The following YWHAG variants were observed in gnomAD, a reference collection of about 807,000 sequenced individuals.
YWHAG encodes the protein 14-3-3 protein gamma.
Under a neutral mutation model 23.3 loss-of-function variants are expected in YWHAG, and 1 was observed. The ratio of observed to expected loss-of-function variants is 0.04; its 90% CI spans 0.02 to 0.20. The LOEUF (loss-of-function observed/expected upper bound fraction) is 0.20. YWHAG is among the 10% of genes least tolerant of loss of function. The pLI is 1.00. For missense variants in YWHAG, 151 were observed against 338.6 expected, an observed-to-expected ratio of 0.45 and a Z score of 4.35; for synonymous variants, 160 against 144.0, an observed-to-expected ratio of 1.11 and a Z score of -0.80.
At position 76,358,804 on chromosome 7, in the gene YWHAG, A is replaced by T; in HGVS notation, c.5T>A (p.Val2Glu). ...TTTCTGCACCAGTTGCTCGCGGTCC[A>T]CCATCTTCGCGGGGCTGGGTCTGGC... M[V>E]DREQLVQKAR... is the part of the protein sequence containing the mutation. The change falls in exon 1 of 2, where the codon GTG becomes GAG. Residue 2 changes from valine (V) to glutamate (E), a missense_variant. Physicochemically the swap from Val to Glu is moderately radical, Grantham distance 121 (BLOSUM62 -2). Transcript: ENST00000307630. The T allele has an allele frequency of 6.3e-7, 1 of 1,593,220 alleles. No homozygotes were observed. Among genetic ancestry groups the T allele is most frequent in the Non-Finnish European group, 8.5e-7 (1 of 1,171,290 alleles).
At chr7:76,346,102 C>G (rs1326981640) in intron 1 of YWHAG, among the ~76,000 whole-genome samples, 1 of 152,140 alleles carries the variant, frequency 6.6e-6, no homozygotes, top group Non-Finnish European at 1.5e-5. Context: ...ACCCCACAGC[C>G]CTACACAGTC....
rs1394668720 is a variant in YWHAG at position 76,329,989 on chromosome 7, T to A, written c.332A>T (p.Asn111Ile). Residue 111 changes from asparagine to isoleucine, a missense_variant, in exon 2 of 2, where the codon AAT (asparagine) becomes ATT (isoleucine). Transcript: ENST00000307630. The surrounding 1 kb of genome is among the most constrained non-coding windows in gnomAD (Gnocchi z 6.1). Reference protein sequence around the residue: ...LSLLDNYLIKNCSETQYESKV... With the variant: ...LSLLDNYLIKICSETQYESKV... ...GCTCTCGTACTGGGTCTCGCTGCAA[T>A]TCTTGATCAGGTAGTTATCCAGCAG... is the stretch of plus-strand genomic sequence containing the variant. 6.2e-7 allele frequency: 1 copy of A among 1,614,182 alleles called. No individual in the cohort carries two copies. Among genetic ancestry groups the A allele is most frequent in the South Asian group, 1.1e-5 (1 of 91,084 alleles).
rs1358706214 is a variant in YWHAG, at chr7:76,328,980, A to G, written c.*597T>C. 1 of 152,792 alleles carries G rather than the reference A, an allele frequency of 6.5e-6. No individual in the cohort carries two copies. Among genetic ancestry groups the G allele is most frequent in the African/African-American group, 2.4e-5 (1 of 41,462 alleles). The allele number at this position is 152,792 out of a possible 1,614,324, so 9.5% of individuals were successfully genotyped here. On this transcript the variant is annotated 3_prime_UTR_variant, in exon 2 of 2. Coordinates refer to ENST00000307630, the MANE Select transcript of YWHAG (RefSeq NM_012479.4). ...GATGTTACATATGGCTGTAATGTAG[A>G]AATACTGTAAACTGCAATTTAGTGT...
At chr7:76,349,668 T>C (rs770422003) in intron 1 of YWHAG, among the ~76,000 whole-genome samples, 24 of 152,240 alleles carry the variant, frequency 1.6e-4, no homozygotes, top group Admixed American at 7.2e-4. Context: ...AGTTGTGCCA[T>C]ATTGTTTGCC....
At chr7:76,342,791 C>T (rs1005472016) in intron 1 of YWHAG, among the ~76,000 whole-genome samples, 1 of 152,070 alleles carries the variant, frequency 6.6e-6, no homozygotes, top group Non-Finnish European at 1.5e-5. Context: ...ATAGATCTGA[C>T]TTGGAAGTGG....
chr7:76,340,696 G>A (rs1478541402), intron 1 of YWHAG, among the ~76,000 whole-genome samples: 1 of 152,098 alleles, frequency 6.6e-6, no homozygotes, highest in East Asian at 1.9e-4. Flanking sequence ...CAAGGAGGGA[G>A]GCTTTTTATA....
At chr7:76,333,103 G>A (rs1373828149) in intron 1 of YWHAG, among the ~76,000 whole-genome samples, 1 of 152,120 alleles carries the variant, frequency 6.6e-6, no homozygotes, top group Non-Finnish European at 1.5e-5. Context: ...CTGAGTGGCT[G>A]GGACTAAGGC....
At chr7:76,331,144 G>T (rs975385661) in intron 1 of YWHAG, among the ~76,000 whole-genome samples, 1 of 152,044 alleles carries the variant, frequency 6.6e-6, no homozygotes, top group Admixed American at 6.6e-5. Context: ...TTGACACAGG[G>T]TCTCATTCTA....
chr7:76,337,147 G>A (rs1803628171), intron 1 of YWHAG, among the ~76,000 whole-genome samples: 1 of 152,124 alleles, frequency 6.6e-6, no homozygotes, highest in Admixed American at 6.5e-5. Context: ...AACATAATAG[G>A]CTTCAGTCTG....
intron 1 of YWHAG, among the ~76,000 whole-genome samples, chr7:76,346,930 G>A (rs1803787497): frequency 6.6e-6 from 1 of 152,078 alleles, no homozygotes; most frequent in Admixed American, 6.6e-5. Flanking sequence ...AGCATTCCCT[G>A]AATGCCACCA....
At chr7:76,353,812 TA>T (rs1563668576) in intron 1 of YWHAG, among the ~76,000 whole-genome samples, 1 of 152,008 alleles carries the variant, frequency 6.6e-6, no homozygotes, top group East Asian at 1.9e-4. Flanking sequence ...CTCACACCTG[TA>T]ATCCCAGTAC....
chr7:76,352,500 A>T (rs1803890165), intron 1 of YWHAG, among the ~76,000 whole-genome samples: 1 of 152,056 alleles, frequency 6.6e-6, no homozygotes, highest in South Asian at 2.1e-4. Flanking sequence ...CCTGGGTCCC[A>T]CTCACCAAAA....
chr7:76,348,491 C>G (rs2115639312), intron 1 of YWHAG, among the ~76,000 whole-genome samples: 1 of 151,094 alleles, frequency 6.6e-6, no homozygotes, highest in Non-Finnish European at 1.5e-5. Context: ...CAAGCTGCGC[C>G]ACCCCGGGTT....
chr7:76,355,954 TA>T (rs1283065106), intron 1 of YWHAG, among the ~76,000 whole-genome samples: 1 of 152,214 alleles, frequency 6.6e-6, no homozygotes, highest in Non-Finnish European at 1.5e-5. Context: ...ACATCTGTCT[TA>T]AAAGACCTAA....
At chr7:76,351,372 T>C (rs2115647836) in intron 1 of YWHAG, among the ~76,000 whole-genome samples, 1 of 129,766 alleles carries the variant, frequency 7.7e-6, no homozygotes, top group East Asian at 2.7e-4. Context: ...TTCATTCTTC[T>C]CGCCTTTCTG....
At chr7:76,339,444 T>C (rs1337126700) in intron 1 of YWHAG, among the ~76,000 whole-genome samples, 1 of 152,142 alleles carries the variant, frequency 6.6e-6, no homozygotes, top group Non-Finnish European at 1.5e-5. Context: ...CCCTCTAGCC[T>C]GGGCAACAGA....
chr7:76,346,135 C>G (rs1183788055), intron 1 of YWHAG, among the ~76,000 whole-genome samples: 1 of 152,204 alleles, frequency 6.6e-6, no homozygotes, highest in Admixed American at 6.5e-5. Flanking sequence ...CGACCCCAGG[C>G]ATCCAGTGCT....
intron 1 of YWHAG, among the ~76,000 whole-genome samples, chr7:76,337,697 G>A (rs539062467): frequency 9.3e-4 from 142 of 151,986 alleles, no homozygotes; most frequent in African/African-American, 3.4e-3. Context: ...ACCACACCCA[G>A]CTAAACTTTC....
intron 1 of YWHAG, among the ~76,000 whole-genome samples, chr7:76,348,949 T>C (rs1240383022): frequency 1.3e-5 from 2 of 152,162 alleles, no homozygotes; most frequent in African/African-American, 4.8e-5. Flanking sequence ...ATAAAACTGT[T>C]GTGAAATTAA....
Sources: gnomAD v4.1 joint callset for allele counts (sites outside exome capture counted in the v4.1 genomes callset) on GRCh38, gnomAD v4.1.1 for gene constraint, Gnocchi (gnomAD v3.1) non-coding constraint, MANE v1.5 for transcripts, NCBI Gene and HGNC (gene_info 2026-07-23, HGNC 2026-07-21) for gene names.